The following DGKI variants were observed in gnomAD, a reference collection of about 807,000 sequenced individuals.
DGKI encodes diacylglycerol kinase iota, also known as DAG kinase iota.
A neutral mutation model predicts 147.5 loss-of-function variants in DGKI; 55 were observed. The observed-to-expected ratio is 0.37, with a 90% CI of 0.30 to 0.47. DGKI has a LOEUF of 0.47. DGKI is among the 20% of genes least tolerant of loss of function. The pLI, the probability that DGKI is intolerant of heterozygous loss-of-function variation, is 1.00. For synonymous variants in DGKI, 469 were observed against 477.1 expected, an observed-to-expected ratio of 0.98 and a Z score of 0.22; for missense variants, 1,007 against 1,323.8, an observed-to-expected ratio of 0.76 and a Z score of 3.71.
chr7:137,830,346 G>A (rs556862481), intron 1 of DGKI, among the ~76,000 whole-genome samples: 13 of 152,274 alleles, frequency 8.5e-5, no homozygotes, highest in African/African-American at 3.1e-4. Context: ...GGAGCAGATG[G>A]GGACAGAAAC....
chr7:137,837,375 T>G (rs1798414602), intron 1 of DGKI, among the ~76,000 whole-genome samples: 1 of 152,250 alleles, frequency 6.6e-6, no homozygotes, highest in Non-Finnish European at 1.5e-5. Context: ...GTGCATGGAT[T>G]GCCTTTGCTG....
intron 1 of DGKI, among the ~76,000 whole-genome samples, chr7:137,739,734 A>G (rs1795124454): frequency 6.6e-6 from 1 of 152,018 alleles, no homozygotes; most frequent in Non-Finnish European, 1.5e-5. Context: ...AGATCCTCCC[A>G]GCAGCTTTTA....
At chr7:137,498,618 A>G (rs1816056720) in intron 21 of DGKI, among the ~76,000 whole-genome samples, 1 of 152,192 alleles carries the variant, frequency 6.6e-6, no homozygotes, top group Admixed American at 6.6e-5. Flanking sequence ...ACAGTAAGGA[A>G]GACAATGAAA....
At chr7:137,577,852 C>T (rs899595888) in intron 16 of DGKI, among the ~76,000 whole-genome samples, 15 of 152,184 alleles carry the variant, frequency 9.9e-5, no homozygotes, top group African/African-American at 3.6e-4. Flanking sequence ...ATGAAAAACA[C>T]CCCATATTCT....
chr7:137,577,892 G>A (rs1004563315), intron 16 of DGKI, among the ~76,000 whole-genome samples: 27 of 152,160 alleles, frequency 1.8e-4, no homozygotes, highest in Admixed American at 2.6e-4. Context: ...GTCAATGTGC[G>A]CACCCTGGTG....
intron 21 of DGKI, among the ~76,000 whole-genome samples, chr7:137,491,902 G>A (rs1489851014): frequency 6.6e-6 from 1 of 152,224 alleles, no homozygotes; most frequent in Non-Finnish European, 1.5e-5. Flanking sequence ...GTCTGGAGCT[G>A]TTGGGGCAGG....
intron 30 of DGKI, among the ~76,000 whole-genome samples, chr7:137,405,910 G>A (rs767516434): frequency 2.6e-5 from 4 of 152,128 alleles, no homozygotes; most frequent in Non-Finnish European, 4.4e-5. Context: ...TCCTAAATGA[G>A]ACCAAGTGAG....
rs571814711 is a variant in DGKI, at chr7:137,513,871, T to G, written c.2248+7995A>C. On this transcript the variant is annotated intron_variant, in intron 21 of 32. Coordinates refer to ENST00000614521, the MANE Select transcript of DGKI (RefSeq NM_001321708.2). ...AAACCTCTGCGCCATGAGAGCCAAGTGGAGGAAGAAGCGAATGCGCAGGCT... is the reference window on the plus strand; with the variant it reads ...AAACCTCTGCGCCATGAGAGCCAAGGGGAGGAAGAAGCGAATGCGCAGGCT... 48 of 696,838 alleles carry G rather than the reference T, an allele frequency of 6.9e-5. No homozygotes were observed. The East Asian group carries it at 1.3e-3, about 20-fold the overall frequency. The allele number at this position is 696,838 out of a possible 1,614,324, so 43.2% of individuals were successfully genotyped here.
chr7:137,803,671 T>G (rs997289399), intron 1 of DGKI, among the ~76,000 whole-genome samples: 15 of 152,202 alleles, frequency 9.9e-5, no homozygotes, highest in African/African-American at 3.6e-4. Context: ...TTTCCTCCAC[T>G]TACTTAAGAA....
intron 28 of DGKI, among the ~76,000 whole-genome samples, chr7:137,419,546 A>T (rs572452499): frequency 4.6e-5 from 7 of 152,346 alleles, no homozygotes; most frequent in African/African-American, 1.7e-4. Flanking sequence ...CTCGCAAAAA[A>T]ATGAAATTTA....
intron 5 of DGKI, among the ~76,000 whole-genome samples, chr7:137,652,097 A>G (rs1563132980): frequency 6.6e-6 from 1 of 152,208 alleles, no homozygotes; most frequent in African/African-American, 2.4e-5. Flanking sequence ...TAGGTAAGAC[A>G]CAGTTTGTGG....
chr7:137,764,240 A>G (rs1486660953), intron 1 of DGKI, among the ~76,000 whole-genome samples: 1 of 152,140 alleles, frequency 6.6e-6, no homozygotes, highest in Non-Finnish European at 1.5e-5. Flanking sequence ...TGTGTTTTTA[A>G]AAAGCTTCCT....
At position 137,436,898 on chromosome 7, in the gene DGKI, T is replaced by C. The variant is rs1016145972; in HGVS notation, c.2761+7179A>G. Among the ~76,000 whole-genome samples the C allele has an allele frequency of 7.9e-5, 12 of 152,040 alleles. No homozygotes were observed. The East Asian group carries it at 1.9e-3, about 24-fold the overall frequency. ...TATTAACAGACCAAGGGGAAAAAAA[T>C]TGTCATCTCTCAAGATGAAGAAAAG... On this transcript the variant is annotated intron_variant, in intron 28 of 32. Transcript: ENST00000614521.
intron 1 of DGKI, among the ~76,000 whole-genome samples, chr7:137,767,772 G>A (rs957317144): frequency 8.5e-5 from 13 of 152,156 alleles, no homozygotes; most frequent in African/African-American, 3.1e-4. Flanking sequence ...GTTAACCCAG[G>A]TCTCAATGTC....
intron 6 of DGKI, among the ~76,000 whole-genome samples, chr7:137,633,722 T>C (rs910259611): frequency 4.6e-5 from 7 of 152,236 alleles, no homozygotes; most frequent in African/African-American, 1.7e-4. Flanking sequence ...ATTTCAGCCT[T>C]AAGTACATGA....
intron 17 of DGKI, 117 bp from the exon 18 acceptor site, chr7:137,572,955 T>G: frequency 1.5e-6 from 1 of 666,288 alleles, no homozygotes; most frequent in Non-Finnish European, 2.5e-6. Context: ...GCCCTATCTC[T>G]GCTTAAGTGA....
rs1006106411 is a variant in DGKI, at chr7:137,486,479, A to T, written c.2329-1061T>A. On this transcript the variant is annotated intron_variant, in intron 22 of 32. Coordinates refer to ENST00000614521, the MANE Select transcript of DGKI (RefSeq NM_001321708.2). ...GAAATGAGATACTAGAAGTTTGGGAACATATTAACAGAATTGGACCTGAGT... is the reference window on the plus strand; with the variant it reads ...GAAATGAGATACTAGAAGTTTGGGATCATATTAACAGAATTGGACCTGAGT... 4.6e-5 allele frequency among the ~76,000 whole-genome samples: 7 copies of T among 152,168 alleles called. No individual in the cohort carries two copies. In the East Asian group the frequency reaches 1.3e-3, roughly 29 times the overall value.
At chr7:137,542,918 C>T (rs1259090390) in intron 20 of DGKI, among the ~76,000 whole-genome samples, 1 of 152,130 alleles carries the variant, frequency 6.6e-6, no homozygotes, top group Non-Finnish European at 1.5e-5. Context: ...TCTGCTTCTC[C>T]AATATCCCAC....
intron 20 of DGKI, among the ~76,000 whole-genome samples, chr7:137,543,426 T>C (rs549443027): frequency 6.6e-6 from 1 of 152,298 alleles, no homozygotes; most frequent in South Asian, 2.1e-4. Flanking sequence ...TTGAATAAAC[T>C]GGAAATTTTG....
Sources: allele counts gnomAD v4.1 joint callset (sites outside exome capture counted in the v4.1 genomes callset), GRCh38; gene constraint gnomAD v4.1.1; transcripts MANE v1.5; gene names NCBI Gene and HGNC (gene_info 2026-07-23, HGNC 2026-07-21).